The following ARHGAP8 variants were observed in gnomAD, a reference collection of about 807,000 sequenced individuals.
ARHGAP8 encodes the protein Rho GTPase activating protein 8.
In ARHGAP8, 62 loss-of-function variants were observed where a neutral mutation model predicts 46.1. The ratio of observed to expected loss-of-function variants is 1.34; its 90% CI spans 1.10 to 1.66. ARHGAP8 has a LOEUF of 1.66. Among genes scored for constraint, ARHGAP8 ranks in the 40% most tolerant of loss-of-function variants. ARHGAP8 has a pLI of 0.00. For missense variants in ARHGAP8, 923 were observed against 568.4 expected (o/e 1.62, Z -6.34); for synonymous variants, 375 against 243.1 (o/e 1.54, Z -5.05).
At chr22:44,792,733 A>G (rs898530954) in intron 2 of ARHGAP8, among the ~76,000 whole-genome samples, 1 of 152,024 alleles carries the variant, frequency 6.6e-6, no homozygotes, top group African/African-American at 2.4e-5. Flanking sequence ...ATCTCTCCCT[A>G]CTTGAGTGAC....
chr22:44,842,735 G>A (rs868085406), intron 7 of ARHGAP8, among the ~76,000 whole-genome samples: 4 of 152,200 alleles, frequency 2.6e-5, no homozygotes, highest in African/African-American at 9.6e-5. Context: ...TAGACCCTCA[G>A]AGCCAGGGCT....
intron 4 of ARHGAP8, among the ~76,000 whole-genome samples, chr22:44,810,933 C>A (rs952756977): frequency 1.8e-5 from 2 of 110,408 alleles, no homozygotes; most frequent in Non-Finnish European, 3.6e-5. Flanking sequence ...TTTCAGGAGG[C>A]TCAGGCTCAC....
At position 44,822,458 on chromosome 22, in the gene ARHGAP8, C is replaced by A; in HGVS notation, c.474C>A (p.Pro158=). Residue 158 remains proline, a synonymous_variant, in exon 6 of 12, where the codon CCC becomes CCA. Coordinates refer to ENST00000356099, the MANE Select transcript of ARHGAP8 (RefSeq NM_181335.3). ...AATACGACCAGCTGGTCATCCCTCC[C>A]GAAGTTTTGCGGTAAGTGCCTGTTA... ...HLKYDQLVIP[P]EVLRYDEKLQ... 5 of 1,554,718 alleles carry A rather than the reference C, an allele frequency of 3.2e-6. No individual in the cohort carries two copies. Among genetic ancestry groups the A allele is most frequent in the Non-Finnish European group, 3.4e-6 (4 of 1,159,652 alleles).
At chr22:44,766,740 G>A (rs1470762922) in intron 1 of ARHGAP8, among the ~76,000 whole-genome samples, 1 of 152,164 alleles carries the variant, frequency 6.6e-6, no homozygotes, top group Non-Finnish European at 1.5e-5. Flanking sequence ...CAATGCTCTG[G>A]AATCCCTCAG....
chr22:44,785,610 T>G (rs893157682), intron 1 of ARHGAP8, among the ~76,000 whole-genome samples: 12 of 152,088 alleles, frequency 7.9e-5, no homozygotes, highest in African/African-American at 2.4e-4. Context: ...CATTCCGAGC[T>G]CCAGGAGGAA....
intron 4 of ARHGAP8, 59 bp downstream of exon 4, chr22:44,808,497 A>ACAC: frequency 6.3e-7 from 1 of 1,593,922 alleles, no homozygotes; most frequent in Non-Finnish European, 8.5e-7. Context: ...AGGAGGAGGC[A>ACAC]TTGTGGCCAC....
rs2070546094 is a variant in ARHGAP8, at chr22:44,862,495, C to T, written c.1202C>T (p.Ala401Val). 7 of 1,613,648 alleles carry T rather than the reference C, an allele frequency of 4.3e-6. No homozygotes were observed. Among genetic ancestry groups the T allele is most frequent in the Admixed American group, 1.7e-5 (1 of 60,016 alleles). The change falls in exon 12 of 12, where the codon GCA (alanine) becomes GTA (valine). Residue 401 changes from alanine (A) to valine (V), a missense_variant. Transcript: ENST00000356099. ...GCACCATGGGAACAGGGGAGCAGGGCAGCCCCTTTGCAGGAGGCTGTGCCA... is the reference window on the plus strand; with the variant it reads ...GCACCATGGGAACAGGGGAGCAGGGTAGCCCCTTTGCAGGAGGCTGTGCCA... Reference protein sequence around the residue: ...GLAPWEQGSRAAPLQEAVPRT... With the variant: ...GLAPWEQGSRVAPLQEAVPRT...
intron 9 of ARHGAP8, 75 bp downstream of exon 9, chr22:44,848,125 G>T: frequency 6.4e-7 from 1 of 1,570,244 alleles, no homozygotes; most frequent in East Asian, 2.3e-5. Flanking sequence ...TCAGAGCGGA[G>T]GCAGGGAAGC....
At chr22:44,860,905 G>T (rs1473817013) in intron 11 of ARHGAP8, among the ~76,000 whole-genome samples, 1 of 152,164 alleles carries the variant, frequency 6.6e-6, no homozygotes, top group Non-Finnish European at 1.5e-5. Flanking sequence ...TCACATCCCA[G>T]AGTCTGTTGG....
In ARHGAP8 at chr22:44,779,310, A is replaced by G. The variant is rs968884114; in HGVS notation, c.-71-7147A>G. ...GAGATGGGGTTTCACCATGTTGACC[A>G]GGCTGGTCTCGAACTCCTGACCTCA... On this transcript the variant is annotated intron_variant, in intron 1 of 11. Coordinates refer to ENST00000356099, the MANE Select transcript of ARHGAP8 (RefSeq NM_181335.3). Among the ~76,000 whole-genome samples the G allele has an allele frequency of 7.9e-5, 12 of 151,988 alleles. No homozygotes were observed. The East Asian group carries it at 2.3e-3, about 30-fold the overall frequency.
chr22:44,802,138 C>A lies in ARHGAP8; in HGVS notation c.141C>A (p.His47Gln). The A allele has an allele frequency of 6.2e-7, 1 of 1,614,150 alleles. No homozygotes were observed. ...GCTGCTGCCGGATGCCACCCTCCCA[C>A]GAGCTGGACCACCAGCGGCTGCTGG... Reference protein sequence around the residue: ...TFSCCRMPPSHELDHQRLLEY... With the variant: ...TFSCCRMPPSQELDHQRLLEY... The change falls in exon 3 of 12, where the codon CAC becomes CAA. Residue 47 changes from histidine to glutamine, a missense_variant. Coordinates refer to ENST00000356099, the MANE Select transcript of ARHGAP8 (RefSeq NM_181335.3).
At chr22:44,770,065 G>A (rs906750875) in intron 1 of ARHGAP8, among the ~76,000 whole-genome samples, 5 of 152,058 alleles carry the variant, frequency 3.3e-5, no homozygotes, top group African/African-American at 1.2e-4. Flanking sequence ...CCAACATGGT[G>A]AAACCCCATC....
At chr22:44,761,335 C>T (rs769045156) in intron 1 of ARHGAP8, among the ~76,000 whole-genome samples, 16 of 152,138 alleles carry the variant, frequency 1.1e-4, no homozygotes, top group South Asian at 6.2e-4. Context: ...CAACCAACCG[C>T]GGATTTAGTG....
intron 5 of ARHGAP8, among the ~76,000 whole-genome samples, chr22:44,821,186 C>T (rs924568008): frequency 3.3e-5 from 5 of 152,106 alleles, no homozygotes; most frequent in African/African-American, 4.8e-5. Flanking sequence ...AATCCCAGCA[C>T]TTTGGGAGGC....
At chr22:44,860,817 G>T (rs1019515112) in intron 11 of ARHGAP8, among the ~76,000 whole-genome samples, 7 of 152,172 alleles carry the variant, frequency 4.6e-5, no homozygotes, top group African/African-American at 9.7e-5. Flanking sequence ...CCACGGCCTT[G>T]AATGTTTAAC....
At chr22:44,763,659 G>T (rs140385408) in intron 1 of ARHGAP8, among the ~76,000 whole-genome samples, 1 of 152,064 alleles carries the variant, frequency 6.6e-6, no homozygotes, top group Admixed American at 6.6e-5. Flanking sequence ...GTAGATCAGG[G>T]TATTGAAATG....
intron 5 of ARHGAP8, among the ~76,000 whole-genome samples, chr22:44,820,089 C>CA (rs1930021162): frequency 1.8e-5 from 2 of 109,816 alleles, no homozygotes; most frequent in African/African-American, 3.9e-5. Flanking sequence ...CCCTGGGTCT[C>CA]GCCAGACCTC....
At chr22:44,757,922 A>C (rs2146984688) in intron 1 of ARHGAP8, among the ~76,000 whole-genome samples, 1 of 151,018 alleles carries the variant, frequency 6.6e-6, no homozygotes, top group East Asian at 2.0e-4. Context: ...CCCAAATTGC[A>C]GGGATTACAG....
intron 4 of ARHGAP8, among the ~76,000 whole-genome samples, chr22:44,814,401 G>A (rs919166504): frequency 3.3e-5 from 5 of 152,296 alleles, no homozygotes; most frequent in Non-Finnish European, 2.9e-5. Context: ...CCCCGACCCT[G>A]GTGTGAGTGA....
Sources: allele counts gnomAD v4.1 joint callset (sites outside exome capture counted in the v4.1 genomes callset), GRCh38; gene constraint gnomAD v4.1.1; transcripts MANE v1.5; gene names NCBI Gene and HGNC (gene_info 2026-07-23, HGNC 2026-07-21).